Variants in MAP3K2 observed in about 807,000 individuals in gnomAD.
MAP3K2 encodes MAP/ERK kinase kinase 2.
Under a neutral mutation model 80.3 loss-of-function variants are expected in MAP3K2, and 24 were observed. That is an observed-to-expected ratio of 0.30 (90% CI 0.22 to 0.42). The LOEUF (loss-of-function observed/expected upper bound fraction) is 0.42. MAP3K2 is among the 10% of genes least tolerant of loss of function. The pLI is 1.00. For synonymous variants in MAP3K2, 244 were observed against 253.7 expected (o/e 0.96, Z 0.36); for missense variants, 608 against 750.1 (o/e 0.81, Z 2.21).
At chr2:127,324,282 G>GT (rs1452035945) in intron 9 of MAP3K2, 41 bp from the exon 10 acceptor site, 14 of 1,201,156 alleles carry the variant, frequency 1.2e-5, no homozygotes, top group African/African-American at 1.6e-5. Flanking sequence ...CAGAAAGAAC[G>GT]TAAGACATTA....
chr2:127,361,745 A>G (rs1325501158), intron 1 of MAP3K2, among the ~76,000 whole-genome samples: 1 of 152,232 alleles, frequency 6.6e-6, no homozygotes, highest in Non-Finnish European at 1.5e-5. Context: ...TGGCAAATAA[A>G]TTTGAGTTTT....
chr2:127,325,748 T>C lies in MAP3K2; in HGVS notation c.657A>G (p.Ser219=), dbSNP rs1686122282. 6.2e-7 allele frequency: 1 copy of C among 1,613,090 alleles called. No homozygotes were observed. Among genetic ancestry groups the C allele is most frequent in the Non-Finnish European group, 8.5e-7 (1 of 1,179,296 alleles). The change falls in exon 9 of 17, where the codon TCA becomes TCG. Residue 219 remains serine, a synonymous_variant. Transcript: ENST00000682094. ...PENSGSGSCP[S]LDSPLDGESY... is the part of the protein sequence containing the mutation. ...ATTACCCATCCAAAGGACTATCAAG[T>C]GATGGACAACTTCCTGAGCCAGAAT...
In MAP3K2 at chr2:127,318,204, C is replaced by T; in HGVS notation, c.1159G>A (p.Val387Ile). The T allele has an allele frequency of 6.2e-7, 1 of 1,609,580 alleles. No individual in the cohort carries two copies. The highest frequency in any genetic ancestry group is 1.1e-5 in the South Asian group (1 of 90,080). Reference protein sequence around the residue: ...DTGRELAVKQVQFDPDSPETS... With the variant: ...DTGRELAVKQIQFDPDSPETS... ...TCAGGACTATCGGGGTCAAATTGAA[C>T]TTGCTTAACAGCCAATTCTCTTCCT... The change falls in exon 13 of 17, where the codon GTT (valine) becomes ATT (isoleucine). Residue 387 changes from valine to isoleucine, a missense_variant. Physicochemically the swap from Val to Ile is conservative, Grantham distance 29. This residue lies in a region of MAP3K2 where 467 missense variants were observed against 521.9 expected (regional missense o/e 0.89). Transcript: ENST00000682094.
chr2:127,325,783 T>C lies in MAP3K2; in HGVS notation c.622A>G (p.Ser208Gly), dbSNP rs1036270189. The change falls in exon 9 of 17, where the codon AGC becomes GGC. Residue 208 changes from serine (S) to glycine (G), a missense_variant. Ser to Gly is a moderately conservative substitution (Grantham distance 56). Coordinates refer to ENST00000682094, the MANE Select transcript of MAP3K2 (RefSeq NM_001371910.2). The stretch of plus-strand genomic sequence containing the variant: ...CTTCCTGAGCCAGAATTTTCAGGGC[T>C]GCTTAAAGATAATGGATCCAGCATC... ...DQMLDPLSLS[S>G]PENSGSGSCP... 1 of 1,613,328 alleles carries C rather than the reference T, an allele frequency of 6.2e-7. No individual in the cohort carries two copies. Among genetic ancestry groups the C allele is most frequent in the Non-Finnish European group, 8.5e-7 (1 of 1,179,518 alleles).
intron 8 of MAP3K2, 107 bp from the exon 9 acceptor site, chr2:127,325,914 CCATTTAAAGTATA>C: frequency 1.4e-6 from 1 of 731,016 alleles, no homozygotes; most frequent in South Asian, 1.7e-5. Flanking sequence ...TAAAATTCAC[CCATTTAAAGTATA>C]CAAGTCAAGG....
chr2:127,333,827 G>A (rs962753685), intron 5 of MAP3K2, among the ~76,000 whole-genome samples: 6 of 151,346 alleles, frequency 4.0e-5, no homozygotes, highest in South Asian at 2.1e-4. Flanking sequence ...GGCCAGGCGC[G>A]GTGGCTCATA....
chr2:127,371,929 G>A (rs1687072080), intron 1 of MAP3K2, among the ~76,000 whole-genome samples: 1 of 152,222 alleles, frequency 6.6e-6, no homozygotes, highest in African/African-American at 2.4e-5. Flanking sequence ...GCTGACCCCA[G>A]GCCCTGCTGC....
intron 1 of MAP3K2, among the ~76,000 whole-genome samples, chr2:127,376,330 G>A (rs1023058829): frequency 1.3e-5 from 2 of 151,886 alleles, no homozygotes; most frequent in Non-Finnish European, 2.9e-5. Context: ...GGGAAGGGGG[G>A]GAGCGCAACC....
Position 127,364,965 on chromosome 2 carries a change from T to C in MAP3K2, c.-65-21771A>G, listed in dbSNP as rs1574003290. 6.6e-6 allele frequency among the ~76,000 whole-genome samples: 1 copy of C among 151,634 alleles called. No individual in the cohort carries two copies. Among genetic ancestry groups the C allele is most frequent in the Non-Finnish European group, 1.5e-5 (1 of 67,894 alleles). On this transcript the variant is annotated intron_variant, in intron 1 of 16. Transcript: ENST00000682094. The surrounding 1 kb of genome is among the most constrained non-coding windows in gnomAD (Gnocchi z 4.1). ...CAACATGGCAAAACCCTGTCTCTAC[T>C]AAAACTACAAAAATTAGCCGGGTGT...
intron 1 of MAP3K2, among the ~76,000 whole-genome samples, chr2:127,351,428 G>GA (rs1010385434): frequency 3.1e-4 from 47 of 151,794 alleles, no homozygotes; most frequent in Non-Finnish European, 5.6e-4. Context: ...TATTTCAGAA[G>GA]AAAAAAATTG....
intron 1 of MAP3K2, among the ~76,000 whole-genome samples, chr2:127,357,743 T>C (rs1457358373): frequency 6.6e-6 from 1 of 152,178 alleles, no homozygotes; most frequent in African/African-American, 2.4e-5. Context: ...GGGGAAAGGA[T>C]AATCTTTTCT....
At chr2:127,315,237 T>C (rs1299957064) in intron 14 of MAP3K2, among the ~76,000 whole-genome samples, 1 of 152,206 alleles carries the variant, frequency 6.6e-6, no homozygotes, top group East Asian at 1.9e-4. Flanking sequence ...GAAAGCTGAA[T>C]CAGTCTGAAG....
At chr2:127,378,984 T>G (rs867157482) in intron 1 of MAP3K2, among the ~76,000 whole-genome samples, 1,934 of 104,610 alleles carry the variant, frequency 0.018, 80 homozygotes, top group African/African-American at 0.084. Flanking sequence ...TTTTGTTGTT[T>G]TTTTTTTTTT....
chr2:127,361,312 C>CAAA (rs1233881088), intron 1 of MAP3K2, among the ~76,000 whole-genome samples: 32 of 65,976 alleles, frequency 4.9e-4, no homozygotes, highest in African/African-American at 1.5e-3. Context: ...CACTCTGTCT[C>CAAA]AAAAAAAAAA....
chr2:127,350,712 C>T (rs1165405830), intron 1 of MAP3K2, among the ~76,000 whole-genome samples: 1 of 151,710 alleles, frequency 6.6e-6, no homozygotes, highest in East Asian at 1.9e-4. Context: ...AGTTTCAACA[C>T]ACCATCTCCA....
At chr2:127,378,430 T>C (rs1687186390) in intron 1 of MAP3K2, among the ~76,000 whole-genome samples, 1 of 152,236 alleles carries the variant, frequency 6.6e-6, no homozygotes, top group South Asian at 2.1e-4. Flanking sequence ...TCACCACTAG[T>C]GAAGCTTACT....
chr2:127,377,602 A>C (rs72964377), intron 1 of MAP3K2, among the ~76,000 whole-genome samples: 2 of 152,350 alleles, frequency 1.3e-5, no homozygotes, highest in African/African-American at 4.8e-5. Flanking sequence ...TGTGACTCTG[A>C]GCCTTACCTG....
intron 1 of MAP3K2, among the ~76,000 whole-genome samples, chr2:127,349,777 C>T (rs985953833): frequency 2.0e-5 from 3 of 152,112 alleles, no homozygotes; most frequent in Admixed American, 2.0e-4. Flanking sequence ...TCCTACCATA[C>T]ATATGCACAT....
intron 1 of MAP3K2, among the ~76,000 whole-genome samples, chr2:127,353,448 A>G (rs1332366239): frequency 6.7e-6 from 1 of 149,798 alleles, no homozygotes; most frequent in African/African-American, 2.5e-5. Context: ...AGAAGTGAGG[A>G]GCCCCTCCGC....
Sources: allele counts gnomAD v4.1 joint callset (sites outside exome capture counted in the v4.1 genomes callset), GRCh38; gene constraint gnomAD v4.1.1; regional missense constraint gnomAD v4.1.1; non-coding constraint Gnocchi (gnomAD v3.1); transcripts MANE v1.5; gene names NCBI Gene and HGNC (gene_info 2026-07-23, HGNC 2026-07-21).